Variants in EPM2AIP1 observed in about 807,000 individuals in gnomAD.
EPM2AIP1 encodes EPM2A-interacting protein 1.
EPM2AIP1 carries 23 observed loss-of-function variants against 44.8 expected under a neutral mutation model. That is an observed-to-expected ratio of 0.51 (90% CI 0.37 to 0.73). EPM2AIP1 has a LOEUF of 0.73. Among genes scored for constraint, EPM2AIP1 ranks in the 30% least tolerant of loss-of-function variants. The pLI is 0.00. For synonymous variants in EPM2AIP1, 311 were observed against 284.3 expected (o/e 1.09, Z -0.94); for missense variants, 652 against 743.9 (o/e 0.88, Z 1.44).
At position 36,992,149 on chromosome 3, in the gene EPM2AIP1, G is replaced by C; in HGVS notation, c.929C>G (p.Thr310Ser). 1 of 1,613,962 alleles carries C rather than the reference G, an allele frequency of 6.2e-7. No homozygotes were observed. Among genetic ancestry groups the C allele is most frequent in the Non-Finnish European group, 8.5e-7 (1 of 1,179,882 alleles). ...AAATTCAGGTCGCCTAACGCCTCTG[G>C]TCTTAATCAAAACTATCCATTCGGA... Reference protein sequence around the residue: ...TISEWIVLIKTRGVRRPEFQT... With the variant: ...TISEWIVLIKSRGVRRPEFQT... The change falls in exon 1 of 1, where the codon ACC becomes AGC. Residue 310 changes from threonine (T) to serine (S), a missense_variant. Coordinates refer to ENST00000322716, the MANE Select transcript of EPM2AIP1 (RefSeq NM_014805.4). This position sits in a 1 kb window ranked among gnomAD's most constrained non-coding sequence, Gnocchi z 5.3.
Position 36,985,154 on chromosome 3 carries a change from A to G in EPM2AIP1, c.*6100T>C, listed in dbSNP as rs1419991348. The G allele has an allele frequency of 6.6e-6, 1 of 152,274 alleles. No homozygotes were observed. Among genetic ancestry groups the G allele is most frequent in the Non-Finnish European group, 1.5e-5 (1 of 68,048 alleles). 9.4% of individuals were successfully genotyped at this position (152,274 alleles called of 1,614,324 possible). ...GTAGTCACACAATGGAATACTACAC[A>G]GAAGTAAAACATGAACTGCTACTAC... On this transcript the variant is annotated 3_prime_UTR_variant, in exon 1 of 1. Transcript: ENST00000322716.
chr3:36,985,568 T>C lies in EPM2AIP1; in HGVS notation c.*5686A>G, dbSNP rs968015865. 3 of 152,256 alleles carry C rather than the reference T, an allele frequency of 2.0e-5. No individual in the cohort carries two copies. The highest frequency in any genetic ancestry group is 1.5e-5 in the Non-Finnish European group (1 of 68,044). 9.4% of individuals were successfully genotyped at this position (152,256 alleles called of 1,614,324 possible). ...GCAAGGATCACACTCCTCCTAGAAC[T>C]TTAATGTGGCTATGTGATTTGCTTT... On this transcript the variant is annotated 3_prime_UTR_variant, in exon 1 of 1. Coordinates refer to ENST00000322716, the MANE Select transcript of EPM2AIP1 (RefSeq NM_014805.4).
rs925406814 is a variant in EPM2AIP1, at chr3:36,988,478, G to A, written c.*2776C>T. On this transcript the variant is annotated 3_prime_UTR_variant, in exon 1 of 1. Coordinates refer to ENST00000322716, the MANE Select transcript of EPM2AIP1 (RefSeq NM_014805.4). ...AGATACATCAATTAGGGAAGATCTA[G>A]AAAGGAGATATGAATCTGACAGTCA... The A allele has an allele frequency of 6.6e-6, 1 of 152,152 alleles. No homozygotes were observed. The highest frequency in any genetic ancestry group is 2.4e-5 in the African/African-American group (1 of 41,414). The allele number at this position is 152,152 out of a possible 1,614,324, so 9.4% of individuals were successfully genotyped here.
Position 36,991,084 on chromosome 3 carries a change from C to A in EPM2AIP1, c.*170G>T. The A allele has an allele frequency of 6.8e-6, 9 of 1,332,926 alleles. No individual in the cohort carries two copies. The highest frequency in any genetic ancestry group is 8.6e-6 in the Non-Finnish European group (9 of 1,042,176). The allele number at this position is 1,332,926 out of a possible 1,614,324, so 82.6% of individuals were successfully genotyped here. ...TTCTCATGTTTCAGTCCCATGCTGC[C>A]ATTTGAGATGAAAAAAAAGGCAACT... On this transcript the variant is annotated 3_prime_UTR_variant, in exon 1 of 1. Coordinates refer to ENST00000322716, the MANE Select transcript of EPM2AIP1 (RefSeq NM_014805.4).
rs1213661579 is a variant in EPM2AIP1, at chr3:36,991,747, A to G, written c.1331T>C (p.Leu444Pro). 6.2e-7 allele frequency: 1 copy of G among 1,613,820 alleles called. No individual in the cohort carries two copies. The highest frequency in any genetic ancestry group is 8.5e-7 in the Non-Finnish European group (1 of 1,179,866). ...FPALREVVDE[L>P]KQQNKEDEKI... ...TTCATCTTCCTTATTTTGCTGTTTT[A>G]GCTCATCAACAACTTCTCTGAGGGC... The change falls in exon 1 of 1, where the codon CTA becomes CCA. Residue 444 changes from leucine to proline, a missense_variant. Leu to Pro is a moderately conservative substitution (Grantham distance 98). Coordinates refer to ENST00000322716, the MANE Select transcript of EPM2AIP1 (RefSeq NM_014805.4).
rs776775986 is a variant in EPM2AIP1, at chr3:36,993,088, G to A, written c.-11C>T. ...GGGCGTCATCCACATTCTGCGGGAG[G>A]CCACAAGAGCAGGGCCAACGTTAGA... On this transcript the variant is annotated 5_prime_UTR_variant, in exon 1 of 1. Coordinates refer to ENST00000322716, the MANE Select transcript of EPM2AIP1 (RefSeq NM_014805.4). 2.3e-5 allele frequency: 36 copies of A among 1,592,526 alleles called. No homozygotes were observed. The South Asian group carries it at 3.5e-4, about 15-fold the overall frequency.
In EPM2AIP1 at chr3:36,989,274, C is replaced by A. The variant is rs898661125; in HGVS notation, c.*1980G>T. The A allele has an allele frequency of 5.3e-5, 8 of 151,430 alleles. No individual in the cohort carries two copies. Among genetic ancestry groups the A allele is most frequent in the Non-Finnish European group, 2.9e-5 (2 of 67,874 alleles). The allele number at this position is 151,430 out of a possible 1,614,324, so 9.4% of individuals were successfully genotyped here. A position where few individuals can be genotyped will look rare whatever the true frequency, so the allele number is the denominator to read the frequency against. On this transcript the variant is annotated 3_prime_UTR_variant, in exon 1 of 1. Coordinates refer to ENST00000322716, the MANE Select transcript of EPM2AIP1 (RefSeq NM_014805.4). ...AATATTCAAAGCTATTGGGAAATTA[C>A]CGGTAGATTTTTCTGTTTTTTTTTT...
At position 36,986,429 on chromosome 3, in the gene EPM2AIP1, G is replaced by A. The variant is rs1353440606; in HGVS notation, c.*4825C>T. On this transcript the variant is annotated 3_prime_UTR_variant, in exon 1 of 1. Coordinates refer to ENST00000322716, the MANE Select transcript of EPM2AIP1 (RefSeq NM_014805.4). Reference sequence around the variant, plus strand: ...AATATCAAAAAGAAAGATAAAAATGGGAAATCCTTTTACAAATAAATAAAA... The same window carrying A: ...AATATCAAAAAGAAAGATAAAAATGAGAAATCCTTTTACAAATAAATAAAA... 1 of 152,006 alleles carries A rather than the reference G, an allele frequency of 6.6e-6. No individual in the cohort carries two copies. The highest frequency in any genetic ancestry group is 2.4e-5 in the African/African-American group (1 of 41,392). The allele number at this position is 152,006 out of a possible 1,614,324, so 9.4% of individuals were successfully genotyped here. A position where few individuals can be genotyped will look rare whatever the true frequency, so the allele number is the denominator to read the frequency against.
rs1056725343 is a variant in EPM2AIP1, at chr3:36,985,225, G to A, written c.*6029C>T. On this transcript the variant is annotated 3_prime_UTR_variant, in exon 1 of 1. Coordinates refer to ENST00000322716, the MANE Select transcript of EPM2AIP1 (RefSeq NM_014805.4). Reference sequence around the variant, plus strand: ...ACAGATACAATGTTGAACAAGACACGGAAGAGTGCATATAATTATTTCACT... The same window carrying A: ...ACAGATACAATGTTGAACAAGACACAGAAGAGTGCATATAATTATTTCACT... 1 of 152,170 alleles carries A rather than the reference G, an allele frequency of 6.6e-6. No individual in the cohort carries two copies. The highest frequency in any genetic ancestry group is 2.4e-5 in the African/African-American group (1 of 41,434). The allele number at this position is 152,170 out of a possible 1,614,324, so 9.4% of individuals were successfully genotyped here. A position where few individuals can be genotyped will look rare whatever the true frequency, so the allele number is the denominator to read the frequency against.
Position 36,992,910 on chromosome 3 carries a change from G to A in EPM2AIP1, c.168C>T (p.Arg56=). The A allele has an allele frequency of 1.2e-6, 2 of 1,612,310 alleles. No individual in the cohort carries two copies. The highest frequency in any genetic ancestry group is 1.7e-6 in the Non-Finnish European group (2 of 1,179,868). ...AGTATTCGTGCTCAGCCTCGTAGTG[G>A]CGCCTGACGTCGCGTTCGCGGGTAG... is the stretch of plus-strand genomic sequence containing the variant. ...IVATRERDVR[R]HYEAEHEYYE... is the part of the protein sequence containing the mutation. Residue 56 remains arginine (R), a synonymous_variant, in exon 1 of 1, where the codon CGC becomes CGT. Transcript: ENST00000322716. This position sits in a 1 kb window ranked among gnomAD's most constrained non-coding sequence, Gnocchi z 5.3.
At position 36,990,537 on chromosome 3, in the gene EPM2AIP1, G is replaced by A. The variant is rs894248686; in HGVS notation, c.*717C>T. The stretch of plus-strand genomic sequence containing the variant: ...AGGCAAGCTGATAAAATAGCCCCCA[G>A]TTATTAAAAAAAAAATCCAAGGAAA... On this transcript the variant is annotated 3_prime_UTR_variant, in exon 1 of 1. Transcript: ENST00000322716. 2 of 984,220 alleles carry A rather than the reference G, an allele frequency of 2.0e-6. No individual in the cohort carries two copies. The highest frequency in any genetic ancestry group is 2.4e-6 in the Non-Finnish European group (2 of 829,472). The allele number at this position is 984,220 out of a possible 1,614,324, so 61.0% of individuals were successfully genotyped here.
At position 36,991,022 on chromosome 3, in the gene EPM2AIP1, G is replaced by A; in HGVS notation, c.*232C>T. 1.6e-6 allele frequency: 2 copies of A among 1,218,616 alleles called. No individual in the cohort carries two copies. The highest frequency in any genetic ancestry group is 2.0e-6 in the Non-Finnish European group (2 of 976,852). 75.5% of individuals were successfully genotyped at this position (1,218,616 alleles called of 1,614,324 possible). A position where few individuals can be genotyped will look rare whatever the true frequency, so the allele number is the denominator to read the frequency against. On this transcript the variant is annotated 3_prime_UTR_variant, in exon 1 of 1. Transcript: ENST00000322716. ...AATTAACTATATCATAAAAGACAATGACTTTGTCACTAAACTAAGTTTTAA... is the reference window on the plus strand; with the variant it reads ...AATTAACTATATCATAAAAGACAATAACTTTGTCACTAAACTAAGTTTTAA...
Position 36,992,812 on chromosome 3 carries a change from G to T in EPM2AIP1, c.266C>A (p.Ala89Asp). Residue 89 changes from alanine (A) to aspartate (D), a missense_variant, in exon 1 of 1, where the codon GCC (alanine) becomes GAC (aspartate). Coordinates refer to ENST00000322716, the MANE Select transcript of EPM2AIP1 (RefSeq NM_014805.4). This position sits in a 1 kb window ranked among gnomAD's most constrained non-coding sequence, Gnocchi z 5.3. ...ERLRQGDLPV[A>D]SFTPEERAAR... ...AGCTCTCTCTTCAGGAGTGAAGGAG[G>T]CCACGGGCAAGTCGCCCTGACGCAG... 1 of 1,612,614 alleles carries T rather than the reference G, an allele frequency of 6.2e-7. No homozygotes were observed.
Position 36,992,466 on chromosome 3 carries a change from C to A in EPM2AIP1, c.612G>T (p.Val204=). 6.2e-7 allele frequency: 1 copy of A among 1,613,960 alleles called. No homozygotes were observed. Among genetic ancestry groups the A allele is most frequent in the Non-Finnish European group, 8.5e-7 (1 of 1,179,886 alleles). The change falls in exon 1 of 1, where the codon GTG becomes GTT. Residue 204 remains valine (V), a synonymous_variant. Coordinates refer to ENST00000322716, the MANE Select transcript of EPM2AIP1 (RefSeq NM_014805.4). This position sits in a 1 kb window ranked among gnomAD's most constrained non-coding sequence, Gnocchi z 5.3. The part of the protein sequence containing the change: ...FIRGVGPELE[V]QEDLLTIINL... ...TGATTATGGTCAGAAGATCTTCTTG[C>A]ACCTCCAACTCAGGGCCTACACCGC... is the stretch of plus-strand genomic sequence containing the variant.
rs2080770200 is a variant in EPM2AIP1, at chr3:36,986,540, GGAGCCC to G, written c.*4708_*4713del. On this transcript the variant is annotated 3_prime_UTR_variant, in exon 1 of 1. Coordinates refer to ENST00000322716, the MANE Select transcript of EPM2AIP1 (RefSeq NM_014805.4). ...TCACACGTATAACACCAACATTTTG[GGAGCCC>G]GAGGCGGGCGGACTGCTTGAGTCCA... 1.3e-5 allele frequency: 2 copies of G among 152,050 alleles called. No homozygotes were observed. The highest frequency in any genetic ancestry group is 4.8e-5 in the African/African-American group (2 of 41,382). The allele number at this position is 152,050 out of a possible 1,614,324, so 9.4% of individuals were successfully genotyped here.
In EPM2AIP1 at chr3:36,992,214, G is replaced by A. The variant is rs1227640536; in HGVS notation, c.864C>T (p.Ser288=). 1.2e-6 allele frequency: 2 copies of A among 1,613,968 alleles called. No individual in the cohort carries two copies. The highest frequency in any genetic ancestry group is 1.3e-5 in the African/African-American group (1 of 75,032). ...TCTGATTAACATCTACATCATAGGA[G>A]CTCAACAGTTCCAAGTGAAGAAATC... ...YSGFLHLELL[S]SYDVDVNQII... is the part of the protein sequence containing the mutation. The change falls in exon 1 of 1, where the codon AGC becomes AGT. Residue 288 remains serine (S), a synonymous_variant. Coordinates refer to ENST00000322716, the MANE Select transcript of EPM2AIP1 (RefSeq NM_014805.4). The surrounding 1 kb of genome is among the most constrained non-coding windows in gnomAD (Gnocchi z 5.3).
rs2080779749 is a variant in EPM2AIP1, at chr3:36,988,033, G to A, written c.*3221C>T. The A allele has an allele frequency of 6.6e-6, 1 of 152,140 alleles. No homozygotes were observed. Among genetic ancestry groups the A allele is most frequent in the African/African-American group, 2.4e-5 (1 of 41,408 alleles). 9.4% of individuals were successfully genotyped at this position (152,140 alleles called of 1,614,324 possible). A position where few individuals can be genotyped will look rare whatever the true frequency, so the allele number is the denominator to read the frequency against. On this transcript the variant is annotated 3_prime_UTR_variant, in exon 1 of 1. Transcript: ENST00000322716. ...CAAGTGTATGTCTGGGAAAGAACAG[G>A]GTGTATAGGGAATGGATAGTAAGGG...
Position 36,991,195 on chromosome 3 carries a change from C to G in EPM2AIP1, c.*59G>C, listed in dbSNP as rs2080800746. 4.0e-6 allele frequency: 6 copies of G among 1,497,528 alleles called. No individual in the cohort carries two copies. In the South Asian group the frequency reaches 8.6e-5, roughly 22 times the overall value. 92.8% of individuals were successfully genotyped at this position (1,497,528 alleles called of 1,614,324 possible). A position where few individuals can be genotyped will look rare whatever the true frequency, so the allele number is the denominator to read the frequency against. On this transcript the variant is annotated 3_prime_UTR_variant, in exon 1 of 1. Transcript: ENST00000322716. The stretch of plus-strand genomic sequence containing the variant: ...AATTAGTAAACTTGAAAACTCAAAC[C>G]AATTTTTGCTTTTAGAATTAAATTC...
rs1262340121 is a variant in EPM2AIP1 at position 36,988,796 on chromosome 3, C to T, written c.*2458G>A. 6.6e-6 allele frequency: 1 copy of T among 151,160 alleles called. No individual in the cohort carries two copies. The highest frequency in any genetic ancestry group is 2.4e-5 in the African/African-American group (1 of 41,118). 9.4% of individuals were successfully genotyped at this position (151,160 alleles called of 1,614,324 possible). On this transcript the variant is annotated 3_prime_UTR_variant, in exon 1 of 1. Transcript: ENST00000322716. ...TGGGAATACAAATCTGTCAAGAAAA[C>T]TAGTAGGAATGAGCTATAGGACAGT...
Sources: allele counts gnomAD v4.1 joint callset, GRCh38; gene constraint gnomAD v4.1.1; non-coding constraint Gnocchi (gnomAD v3.1); transcripts MANE v1.5; gene names NCBI Gene and HGNC (gene_info 2026-07-23, HGNC 2026-07-21).